The following LARGE1 variants were observed in gnomAD, a reference collection of about 807,000 sequenced individuals.
LARGE1 encodes the protein xylosyl- and glucuronyltransferase LARGE1.
In LARGE1, 43 loss-of-function variants were observed where a neutral mutation model predicts 87.6. The ratio of observed to expected loss-of-function variants is 0.49; its 90% confidence interval spans 0.38 to 0.63. The LOEUF (loss-of-function observed/expected upper bound fraction) is 0.63, where lower values mean the gene tolerates loss of function less well. Ranked by LOEUF, LARGE1 falls within the 30% of genes least tolerant of loss-of-function variation. The pLI, the probability that LARGE1 is intolerant of heterozygous loss-of-function variation, is 0.00. For missense variants in LARGE1, 802 were observed against 1,000.2 expected (o/e 0.80, Z 2.67); for synonymous variants, 434 against 394.6 (o/e 1.10, Z -1.18).
At chr22:33,462,446 G>A (rs1330128921) in intron 6 of LARGE1, among the ~76,000 whole-genome samples, 2 of 152,006 alleles carry the variant, frequency 1.3e-5, no homozygotes, top group Non-Finnish European at 2.9e-5. Context: ...GTGAAGAATA[G>A]TGAGAAAAAA....
intron 11 of LARGE1, 78 bp from the exon 12 acceptor site, chr22:33,304,585 C>T: frequency 1.4e-6 from 2 of 1,409,008 alleles, no homozygotes; most frequent in African/African-American, 1.4e-5. Context: ...TGGGGCTCTG[C>T]CTCCAGTGAC....
intron 1 of LARGE1, among the ~76,000 whole-genome samples, chr22:33,783,436 G>A (rs968051583): frequency 6.6e-6 from 1 of 152,082 alleles, no homozygotes; most frequent in African/African-American, 2.4e-5. Context: ...ATGGTGGCGG[G>A]TGCCTGTAAT....
At chr22:33,183,628 A>G (rs11089612) in intron 11 of LARGE1, among the ~76,000 whole-genome samples, 9,642 of 135,580 alleles carry the variant, frequency 0.071, 412 homozygotes, top group South Asian at 0.15. Flanking sequence ...ACGCACACAC[A>G]CACACACACA....
the LARGE1 span, among the ~76,000 whole-genome samples, chr22:33,113,019 T>C: frequency 6.6e-6 from 1 of 152,144 alleles, no homozygotes; most frequent in East Asian, 1.9e-4. Flanking sequence ...CATTCAAGTC[T>C]CGTTGCTCAG....
chr22:33,683,193 A>T (rs1449688849), intron 2 of LARGE1, among the ~76,000 whole-genome samples: 1 of 152,202 alleles, frequency 6.6e-6, no homozygotes, highest in Non-Finnish European at 1.5e-5. Flanking sequence ...GATGAGATTA[A>T]CATTTGATTT....
intron 7 of LARGE1, among the ~76,000 whole-genome samples, chr22:33,404,576 A>G (rs2066031922): frequency 6.6e-6 from 1 of 152,184 alleles, no homozygotes; most frequent in South Asian, 2.1e-4. Flanking sequence ...GGGCAAACCC[A>G]CAGGCTGTCC....
intron 6 of LARGE1, among the ~76,000 whole-genome samples, chr22:33,452,699 C>T (rs1384118638): frequency 2.0e-5 from 3 of 152,328 alleles, no homozygotes; most frequent in South Asian, 2.1e-4. Flanking sequence ...CTGGCAGGAG[C>T]GCCCATCTGG....
intron 1 of LARGE1, among the ~76,000 whole-genome samples, chr22:33,773,412 C>T (rs750839793): frequency 6.6e-6 from 1 of 152,228 alleles, no homozygotes; most frequent in Non-Finnish European, 1.5e-5. Context: ...GCTGCGAAGT[C>T]AAATTCTCTG....
At chr22:33,113,486 C>T in the LARGE1 span, among the ~76,000 whole-genome samples, 13 of 152,202 alleles carry the variant, frequency 8.5e-5, no homozygotes, top group African/African-American at 3.1e-4. Flanking sequence ...GGATTACAGG[C>T]GTGAGCCACT....
rs1304703377 is a variant in LARGE1, at chr22:33,423,877, A to G, written c.892+8284T>C. On this transcript the variant is annotated intron_variant, in intron 7 of 14. Transcript: ENST00000397394. ...GAAATCTAATAAAATGATGAAAAGAATGGTCCAAAGAAGATAAAACTCACT... is the reference window on the plus strand; with the variant it reads ...GAAATCTAATAAAATGATGAAAAGAGTGGTCCAAAGAAGATAAAACTCACT... Among the ~76,000 whole-genome samples the G allele has an allele frequency of 2.6e-5, 4 of 152,278 alleles. No homozygotes were observed. In the East Asian group the frequency reaches 7.7e-4, roughly 29 times the overall value.
intron 11 of LARGE1, 48 bp from the exon 12 acceptor site, chr22:33,304,555 A>C: frequency 6.6e-7 from 1 of 1,513,684 alleles, no homozygotes; most frequent in Non-Finnish European, 8.8e-7. Flanking sequence ...CCATCCATGC[A>C]TCATCCGCCG....
intron 1 of LARGE1, among the ~76,000 whole-genome samples, chr22:33,849,592 C>CTTTTTTTTTTTTTTTTTTTT (rs71187287): frequency 2.3e-5 from 2 of 88,592 alleles, no homozygotes; most frequent in African/African-American, 9.5e-5. Flanking sequence ...CTTTTCTTCT[C>CTTTTTTTTTTTTTTTTTTTT]TTTTTTTTTT....
chr22:33,639,694 C>T (rs1016053803), intron 3 of LARGE1, among the ~76,000 whole-genome samples: 20 of 152,056 alleles, frequency 1.3e-4, no homozygotes, highest in Non-Finnish European at 2.5e-4. Flanking sequence ...TTTTTTCTTC[C>T]GTACAATAGC....
chr22:33,437,494 A>T (rs2067313083), intron 6 of LARGE1, among the ~76,000 whole-genome samples: 1 of 152,140 alleles, frequency 6.6e-6, no homozygotes, highest in African/African-American at 2.4e-5. Context: ...AGCACAAGTT[A>T]ATTTGTGAAA....
intron 2 of LARGE1, among the ~76,000 whole-genome samples, chr22:33,738,997 T>G (rs2083772860): frequency 6.8e-6 from 1 of 147,170 alleles, no homozygotes; most frequent in South Asian, 2.2e-4. Context: ...GTGGGCAGAG[T>G]ATGACAGGAA....
chr22:33,836,793 A>C (rs1392327866), intron 1 of LARGE1, among the ~76,000 whole-genome samples: 1 of 147,164 alleles, frequency 6.8e-6, no homozygotes, highest in Non-Finnish European at 1.5e-5. Context: ...TATCTACCTT[A>C]CTGGAAAAAA....
chr22:33,144,452 G>T, the LARGE1 span, among the ~76,000 whole-genome samples: 1 of 152,022 alleles, frequency 6.6e-6, no homozygotes, highest in Non-Finnish European at 1.5e-5. Flanking sequence ...CATATATTGA[G>T]TTATATATAT....
At chr22:33,205,626 C>G (rs1053473818) in intron 11 of LARGE1, among the ~76,000 whole-genome samples, 1 of 152,212 alleles carries the variant, frequency 6.6e-6, no homozygotes, top group Non-Finnish European at 1.5e-5. Context: ...CCTTCAAAAA[C>G]TCAACAGAAA....
At chr22:33,649,428 T>C (rs911415608) in intron 3 of LARGE1, among the ~76,000 whole-genome samples, 3 of 152,244 alleles carry the variant, frequency 2.0e-5, no homozygotes, top group Admixed American at 1.3e-4. Flanking sequence ...GTCCTATCTA[T>C]GTTTAACTAA....
Sources: gnomAD v4.1 joint callset for allele counts (sites outside exome capture counted in the v4.1 genomes callset) on GRCh38, gnomAD v4.1.1 for gene constraint, MANE v1.5 for transcripts, NCBI Gene and HGNC (gene_info 2026-07-23, HGNC 2026-07-21) for gene names.